Variants in PSKH1 observed in about 807,000 individuals in gnomAD.
PSKH1 encodes the protein protein serine kinase H1, also known as serine/threonine-protein kinase H1.
A neutral mutation model predicts 26.7 loss-of-function variants in PSKH1; 12 were observed. The observed-to-expected ratio is 0.45, with a 90% CI of 0.29 to 0.73. The LOEUF (loss-of-function observed/expected upper bound fraction) is 0.73. Among genes scored for constraint, PSKH1 ranks in the 30% least tolerant of loss-of-function variants. PSKH1 has a pLI of 0.11. For missense variants in PSKH1, 431 were observed against 595.2 expected, an observed-to-expected ratio of 0.72 and a Z score of 2.87; for synonymous variants, 213 against 234.3, an observed-to-expected ratio of 0.91 and a Z score of 0.83.
At chr16:67,916,046 A>G (rs560194478) in intron 2 of PSKH1, among the ~76,000 whole-genome samples, 12 of 152,352 alleles carry the variant, frequency 7.9e-5, no homozygotes, top group African/African-American at 1.4e-4. Context: ...AACATGGACT[A>G]TGGTGCTCAG....
At chr16:67,914,909 C>T (rs1472882452) in intron 2 of PSKH1, among the ~76,000 whole-genome samples, 1 of 152,118 alleles carries the variant, frequency 6.6e-6, no homozygotes, top group Non-Finnish European at 1.5e-5. Context: ...TCCCAAGATA[C>T]GCTGACAGAG....
intron 2 of PSKH1, among the ~76,000 whole-genome samples, chr16:67,925,198 AT>A (rs11325565): frequency 0.025 from 3,481 of 139,300 alleles, 73 homozygotes; most frequent in African/African-American, 0.068. Context: ...CAATATGAAT[AT>A]TTTTTTTTTT....
At chr16:67,912,697 C>A (rs1247801820) in intron 2 of PSKH1, among the ~76,000 whole-genome samples, 1 of 152,082 alleles carries the variant, frequency 6.6e-6, no homozygotes, top group Non-Finnish European at 1.5e-5. Context: ...GGTGAAACCC[C>A]GTCTCTACTA....
In PSKH1 at chr16:67,927,295, C is replaced by T. The variant is rs757722054; in HGVS notation, c.958-30C>T. 7.6e-6 allele frequency: 12 copies of T among 1,572,252 alleles called. No individual in the cohort carries two copies. The highest frequency in any genetic ancestry group is 1.0e-5 in the Non-Finnish European group (12 of 1,154,574). The stretch of plus-strand genomic sequence containing the variant: ...GATGGGGTGGGCAGTGTCAGATGCT[C>T]TCACTCTAATGCTTGTCCTTGGTCT... On this transcript the variant is annotated intron_variant, in intron 2 of 2. Transcript: ENST00000291041. The surrounding 1 kb of genome is among the most constrained non-coding windows in gnomAD (Gnocchi z 5.5).
At chr16:67,924,714 C>A (rs1598194270) in intron 2 of PSKH1, among the ~76,000 whole-genome samples, 1 of 152,350 alleles carries the variant, frequency 6.6e-6, no homozygotes, top group South Asian at 2.1e-4. Flanking sequence ...CAGCAACAGG[C>A]CAGACTGAGC....
At chr16:67,911,662 A>G (rs528584491) in intron 2 of PSKH1, among the ~76,000 whole-genome samples, 1 of 152,304 alleles carries the variant, frequency 6.6e-6, no homozygotes, top group African/African-American at 2.4e-5. Context: ...AGCCTGGGCA[A>G]AAAGAGTGAA....
At position 67,928,160 on chromosome 16, in the gene PSKH1, G is replaced by T. The variant is rs1232600012; in HGVS notation, c.*518G>T. On this transcript the variant is annotated 3_prime_UTR_variant, in exon 3 of 3. Transcript: ENST00000291041. This position sits in a 1 kb window ranked among gnomAD's most constrained non-coding sequence, Gnocchi z 4.8. ...AGACCCTGGTAGGCACAAAGCTTGT[G>T]CCTTGACTGGACCCGTAGCCCCTGG... 6.5e-6 allele frequency: 1 copy of T among 153,644 alleles called. No individual in the cohort carries two copies. The highest frequency in any genetic ancestry group is 6.5e-5 in the Admixed American group (1 of 15,432). The allele number at this position is 153,644 out of a possible 1,614,324, so 9.5% of individuals were successfully genotyped here.
chr16:67,904,322 C>A (rs1888620915), intron 1 of PSKH1, among the ~76,000 whole-genome samples: 1 of 152,026 alleles, frequency 6.6e-6, no homozygotes, highest in Admixed American at 6.6e-5. Flanking sequence ...CTGCCTCAGC[C>A]TCCTGAGTAG....
In PSKH1 at chr16:67,908,670, T is replaced by G. The variant is rs1376320945; in HGVS notation, c.-70-10T>G. 1.6e-6 allele frequency: 2 copies of G among 1,230,932 alleles called. No homozygotes were observed. Among genetic ancestry groups the G allele is most frequent in the East Asian group, 2.4e-5 (1 of 42,212 alleles). The allele number at this position is 1,230,932 out of a possible 1,614,324, so 76.3% of individuals were successfully genotyped here. A position where few individuals can be genotyped will look rare whatever the true frequency, so the allele number is the denominator to read the frequency against. ...CTGGCTGTGCTGACTTGTTCTCTCT[T>G]TGTGTGTAGGTGTAGACGGGGCACT... is the stretch of plus-strand genomic sequence containing the variant. On this transcript the variant is annotated splice_polypyrimidine_tract_variant and intron_variant, in intron 1 of 2. Transcript: ENST00000291041.
rs73594576 is a variant in PSKH1, at chr16:67,919,985, A to G, written c.958-7340A>G. On this transcript the variant is annotated intron_variant, in intron 2 of 2. Coordinates refer to ENST00000291041, the MANE Select transcript of PSKH1 (RefSeq NM_006742.3). ...CTGCATTCAGCCGTTCCTGCTGACCACCCATAGCATCACGTCACCCTGGGT... is the reference window on the plus strand; with the variant it reads ...CTGCATTCAGCCGTTCCTGCTGACCGCCCATAGCATCACGTCACCCTGGGT... 2.2e-3 allele frequency among the ~76,000 whole-genome samples: 331 copies of G among 152,104 alleles called. 4 individuals are homozygous for G. The highest frequency in any genetic ancestry group is 7.9e-3 in the African/African-American group (329 of 41,484).
At chr16:67,902,398 G>A (rs1288298124) in intron 1 of PSKH1, among the ~76,000 whole-genome samples, 3 of 152,008 alleles carry the variant, frequency 2.0e-5, no homozygotes, top group Admixed American at 1.3e-4. Flanking sequence ...TGGTTCAAGC[G>A]ATTCTCCTAC....
intron 1 of PSKH1, among the ~76,000 whole-genome samples, chr16:67,904,592 A>G (rs1259480203): frequency 2.0e-5 from 3 of 151,996 alleles, no homozygotes; most frequent in African/African-American, 7.3e-5. Flanking sequence ...CGCCTGCCTC[A>G]GCCTCCCAAA....
chr16:67,901,498 A>AT (rs1279994980), intron 1 of PSKH1, among the ~76,000 whole-genome samples: 3 of 151,782 alleles, frequency 2.0e-5, no homozygotes, highest in Middle Eastern at 6.8e-3. Context: ...CGCCTGGCTA[A>AT]TTTTTTTTGT....
intron 1 of PSKH1, among the ~76,000 whole-genome samples, chr16:67,906,378 T>TTTTTTTC (rs1255266369): frequency 6.8e-6 from 1 of 146,998 alleles, no homozygotes; most frequent in Non-Finnish European, 1.5e-5. Context: ...AGCCTTTTTT[T>TTTTTTTC]TTTTTTCTTT....
At chr16:67,920,161 A>G (rs1336929430) in intron 2 of PSKH1, among the ~76,000 whole-genome samples, 1 of 152,046 alleles carries the variant, frequency 6.6e-6, no homozygotes, top group Non-Finnish European at 1.5e-5. Flanking sequence ...CCACCTGGAG[A>G]GCACTGCCTT....
intron 1 of PSKH1, among the ~76,000 whole-genome samples, chr16:67,897,573 T>G (rs2058129890): frequency 6.6e-6 from 1 of 152,208 alleles, no homozygotes; most frequent in Admixed American, 6.5e-5. Flanking sequence ...TATGGCCGCC[T>G]TCTTTTTGTT....
At chr16:67,894,677 A>G (rs1481314131) in intron 1 of PSKH1, among the ~76,000 whole-genome samples, 4 of 152,134 alleles carry the variant, frequency 2.6e-5, no homozygotes, top group East Asian at 3.9e-4. Flanking sequence ...CTGTCTGCAT[A>G]TGTCTGGCTC....
intron 2 of PSKH1, among the ~76,000 whole-genome samples, chr16:67,916,836 G>A (rs1373627201): frequency 1.3e-5 from 2 of 152,134 alleles, no homozygotes; most frequent in Non-Finnish European, 2.9e-5. Context: ...ACATCAGCTT[G>A]TATGGGCAGA....
At chr16:67,912,487 T>C (rs962311948) in intron 2 of PSKH1, among the ~76,000 whole-genome samples, 2 of 152,180 alleles carry the variant, frequency 1.3e-5, no homozygotes, top group East Asian at 1.9e-4. Flanking sequence ...CTCAGTAACG[T>C]TGGGGCAATG....
Sources: allele counts gnomAD v4.1 joint callset (sites outside exome capture counted in the v4.1 genomes callset), GRCh38; gene constraint gnomAD v4.1.1; non-coding constraint Gnocchi (gnomAD v3.1); transcripts MANE v1.5; gene names NCBI Gene and HGNC (gene_info 2026-07-23, HGNC 2026-07-21).